CCSER1: variants seen among roughly 807,000 people sequenced by gnomAD.
CCSER1 encodes the protein serine-rich coiled-coil domain-containing protein 1.
A neutral mutation model predicts 82.0 loss-of-function variants in CCSER1; 41 were observed. The ratio of observed to expected loss-of-function variants is 0.50; its 90% CI spans 0.39 to 0.65. The LOEUF is 0.65. Among genes scored for constraint, CCSER1 ranks in the 30% least tolerant of loss-of-function variants. CCSER1 has a pLI of 0.00. For missense variants in CCSER1, 1,119 were observed against 1,064.2 expected, an observed-to-expected ratio of 1.05 and a Z score of -0.72; for synonymous variants, 414 against 383.9, an observed-to-expected ratio of 1.08 and a Z score of -0.92.
intron 10 of CCSER1, among the ~76,000 whole-genome samples, chr4:91,478,949 T>C (rs947937872): frequency 5.3e-5 from 8 of 151,874 alleles, no homozygotes; most frequent in Admixed American, 3.9e-4. Flanking sequence ...AAACACACTT[T>C]AGTAATATAT....
chr4:90,351,551 T>C (rs944149277), intron 3 of CCSER1, among the ~76,000 whole-genome samples: 1 of 152,206 alleles, frequency 6.6e-6, no homozygotes, highest in Admixed American at 6.5e-5. Flanking sequence ...ATAACAAAAA[T>C]TTTTTTAGAA....
intron 8 of CCSER1, among the ~76,000 whole-genome samples, chr4:90,874,879 C>T (rs916492277): frequency 6.6e-6 from 1 of 152,050 alleles, no homozygotes; most frequent in Admixed American, 6.6e-5. Context: ...AACCCCGTCT[C>T]CACTAAAAAT....
intron 10 of CCSER1, among the ~76,000 whole-genome samples, chr4:91,441,159 C>T (rs984043671): frequency 2.0e-5 from 3 of 152,028 alleles, no homozygotes; most frequent in African/African-American, 7.2e-5. Context: ...CAGGCAGAGA[C>T]ACAACCAAAA....
chr4:90,247,222 G>A (rs1721579190), intron 1 of CCSER1, among the ~76,000 whole-genome samples: 1 of 152,108 alleles, frequency 6.6e-6, no homozygotes, highest in African/African-American at 2.4e-5. Flanking sequence ...CATTGGCAGC[G>A]AGTGACTGAA....
At chr4:90,319,287 A>G (rs780080364) in intron 3 of CCSER1, among the ~76,000 whole-genome samples, 28 of 152,262 alleles carry the variant, frequency 1.8e-4, no homozygotes, top group Non-Finnish European at 4.1e-4. Context: ...AAAGAATCCC[A>G]CTGGGCTCAT....
chr4:90,844,631 CTATT>C (rs1245886919), intron 8 of CCSER1, among the ~76,000 whole-genome samples: 1 of 152,150 alleles, frequency 6.6e-6, no homozygotes. Flanking sequence ...CTACTCTACA[CTATT>C]TAAAGTTGCA....
intron 1 of CCSER1, among the ~76,000 whole-genome samples, chr4:90,299,590 C>A (rs1389100880): frequency 6.6e-6 from 1 of 152,070 alleles, no homozygotes; most frequent in Non-Finnish European, 1.5e-5. Flanking sequence ...TCCTCACTGA[C>A]CTTACTGGCA....
chr4:90,817,154 C>G (rs545059280), intron 8 of CCSER1, among the ~76,000 whole-genome samples: 2 of 151,960 alleles, frequency 1.3e-5, no homozygotes, highest in Non-Finnish European at 2.9e-5. Flanking sequence ...TACATATTAT[C>G]TAATAATGCT....
At chr4:91,572,191 T>C (rs1312271336) in intron 10 of CCSER1, among the ~76,000 whole-genome samples, 2 of 152,150 alleles carry the variant, frequency 1.3e-5, no homozygotes, top group Non-Finnish European at 2.9e-5. Context: ...TGTTGCAATA[T>C]ACTTGGGCCA....
chr4:91,545,516 T>C (rs1761842476), intron 10 of CCSER1, among the ~76,000 whole-genome samples: 2 of 152,168 alleles, frequency 1.3e-5, no homozygotes, highest in Non-Finnish European at 2.9e-5. Context: ...AATTGGTAGA[T>C]ATATATCTAA....
At chr4:90,790,785 CCCT>C (rs1755121082) in intron 7 of CCSER1, among the ~76,000 whole-genome samples, 1 of 152,120 alleles carries the variant, frequency 6.6e-6, no homozygotes, top group Admixed American at 6.5e-5. Flanking sequence ...GTCTTCTGAG[CCCT>C]CCAAGTCTCT....
At position 90,186,102 on chromosome 4, in the gene CCSER1, T is replaced by A. The variant is rs115765684; in HGVS notation, c.-42+58271T>A. Among the ~76,000 whole-genome samples, 588 of 152,118 alleles carry A rather than the reference T, an allele frequency of 3.9e-3. 1 individual carries two copies. Among genetic ancestry groups the A allele is most frequent in the African/African-American group, 0.013 (544 of 41,528 alleles). ...TAGGAGTGGAACAGAACAATAAATCTTGGATCTTGATCACCAAGAAATAAT... is the reference window on the plus strand; with the variant it reads ...TAGGAGTGGAACAGAACAATAAATCATGGATCTTGATCACCAAGAAATAAT... On this transcript the variant is annotated intron_variant, in intron 1 of 10. Coordinates refer to ENST00000509176, the MANE Select transcript of CCSER1 (RefSeq NM_001145065.2).
intron 7 of CCSER1, among the ~76,000 whole-genome samples, chr4:90,738,588 C>T (rs1290129439): frequency 1.3e-5 from 2 of 152,104 alleles, no homozygotes; most frequent in South Asian, 4.1e-4. Context: ...ACTGTGTCTT[C>T]CCAAGGCCCA....
intron 7 of CCSER1, among the ~76,000 whole-genome samples, chr4:90,811,973 TATATATATATATATATAAACAC>T (rs1758383869): frequency 2.0e-5 from 1 of 49,052 alleles, no homozygotes; most frequent in Admixed American, 2.0e-4. Context: ...TATACACATA[TATATATATATATATATAAACAC>T]ATATATATAT....
At chr4:90,455,010 A>G (rs1052089088) in intron 4 of CCSER1, among the ~76,000 whole-genome samples, 1 of 152,118 alleles carries the variant, frequency 6.6e-6, no homozygotes, top group African/African-American at 2.4e-5. Flanking sequence ...GATTCCCCCA[A>G]TGGAGGTACC....
intron 10 of CCSER1, among the ~76,000 whole-genome samples, chr4:91,095,833 A>C (rs1724455440): frequency 6.6e-6 from 1 of 151,846 alleles, no homozygotes; most frequent in Non-Finnish European, 1.5e-5. Flanking sequence ...TTTGGATCCC[A>C]TTGAGGGTCT....
intron 3 of CCSER1, among the ~76,000 whole-genome samples, chr4:90,379,071 C>T (rs1254669722): frequency 2.6e-5 from 4 of 152,084 alleles, no homozygotes; most frequent in Non-Finnish European, 5.9e-5. Context: ...TTATTATAAT[C>T]GACTGAGCTA....
chr4:91,460,976 A>G (rs552572147), intron 10 of CCSER1, among the ~76,000 whole-genome samples: 4 of 152,154 alleles, frequency 2.6e-5, no homozygotes, highest in Non-Finnish European at 4.4e-5. Context: ...CCTGGCTTCT[A>G]TGACTTTTAT....
intron 3 of CCSER1, among the ~76,000 whole-genome samples, chr4:90,379,172 C>T (rs188426673): frequency 1.6e-3 from 239 of 152,212 alleles, no homozygotes; most frequent in African/African-American, 5.5e-3. Context: ...CAGTTGGGTC[C>T]GGCAGCTCTT....
Sources: allele counts gnomAD v4.1 joint callset (sites outside exome capture counted in the v4.1 genomes callset), GRCh38; gene constraint gnomAD v4.1.1; transcripts MANE v1.5; gene names NCBI Gene and HGNC (gene_info 2026-07-23, HGNC 2026-07-21).